LAPTM4B: variants seen among roughly 807,000 people sequenced by gnomAD.
LAPTM4B encodes lysosomal protein transmembrane 4 beta.
Under a neutral mutation model 28.5 loss-of-function variants are expected in LAPTM4B, and 26 were observed. That is an observed-to-expected ratio of 0.91 (90% confidence interval 0.67 to 1.27). LAPTM4B has a LOEUF of 1.27. Among genes scored for constraint, LAPTM4B ranks in the 50% most tolerant of loss-of-function variants. LAPTM4B has a pLI of 0.00. For missense variants in LAPTM4B, 288 were observed against 285.8 expected (o/e 1.01, Z -0.06); for synonymous variants, 109 against 106.4 (o/e 1.02, Z -0.15).
chr8:97,803,430 C>T (rs1338242792), intron 1 of LAPTM4B, among the ~76,000 whole-genome samples: 1 of 151,730 alleles, frequency 6.6e-6, no homozygotes, highest in African/African-American at 2.4e-5. Context: ...AGGCATCCAC[C>T]ACCATGCCCA....
chr8:97,806,139 G>A (rs1816753600), intron 2 of LAPTM4B, among the ~76,000 whole-genome samples: 1 of 152,196 alleles, frequency 6.6e-6, no homozygotes, highest in African/African-American at 2.4e-5. Context: ...AGAGGAGAGA[G>A]TGGCTCAACA....
At chr8:97,816,782 A>G (rs1232318716) in intron 4 of LAPTM4B, among the ~76,000 whole-genome samples, 1 of 152,182 alleles carries the variant, frequency 6.6e-6, no homozygotes, top group Non-Finnish European at 1.5e-5. Flanking sequence ...TCAAAAACAA[A>G]CAAAATAATT....
At chr8:97,819,523 GTAATGGA>G (rs1670061966) in intron 5 of LAPTM4B, among the ~76,000 whole-genome samples, 1 of 152,066 alleles carries the variant, frequency 6.6e-6, no homozygotes, top group African/African-American at 2.4e-5. Context: ...CAAGGTCTGT[GTAATGGA>G]TATTCTTTTG....
intron 5 of LAPTM4B, among the ~76,000 whole-genome samples, chr8:97,820,978 C>T (rs1355264438): frequency 3.3e-5 from 5 of 151,720 alleles, no homozygotes; most frequent in East Asian, 2.0e-4. Flanking sequence ...TTGCCTGCCT[C>T]GGCCTCCCAA....
chr8:97,827,393 T>G (rs1817105884), intron 6 of LAPTM4B, among the ~76,000 whole-genome samples: 1 of 152,234 alleles, frequency 6.6e-6, no homozygotes. Flanking sequence ...TGGAGGTTCC[T>G]TGAGGGTGGT....
chr8:97,823,516 A>G (rs1036960923), intron 5 of LAPTM4B, among the ~76,000 whole-genome samples: 15 of 151,658 alleles, frequency 9.9e-5, no homozygotes, highest in Admixed American at 8.5e-4. Flanking sequence ...CTGGGATTAC[A>G]GGCATGCATC....
intron 1 of LAPTM4B, among the ~76,000 whole-genome samples, chr8:97,794,346 T>C (rs918631809): frequency 3.3e-5 from 5 of 152,166 alleles, no homozygotes; most frequent in Admixed American, 3.3e-4. Flanking sequence ...TTTTGGCCTC[T>C]AGCAGTCCTC....
chr8:97,780,995 ATT>A (rs546330980), intron 1 of LAPTM4B, among the ~76,000 whole-genome samples: 15 of 145,998 alleles, frequency 1.0e-4, no homozygotes, highest in Middle Eastern at 7.1e-3. Flanking sequence ...ATGTACTACA[ATT>A]TTTTTTTTTT....
At chr8:97,816,020 A>G in intron 3 of LAPTM4B, 38 bp from the exon 4 acceptor site, 2 of 1,505,420 alleles carry the variant, frequency 1.3e-6, no homozygotes, top group Middle Eastern at 1.7e-4. Context: ...GTTTTATAAT[A>G]TTGAACACAT....
chr8:97,837,663 C>G (rs182514567), intron 6 of LAPTM4B, among the ~76,000 whole-genome samples: 8 of 152,186 alleles, frequency 5.3e-5, no homozygotes, highest in Admixed American at 5.2e-4. Context: ...CAGTCCTGTA[C>G]GCACCAAATT....
At chr8:97,841,473 G>A (rs949775556) in intron 6 of LAPTM4B, among the ~76,000 whole-genome samples, 2 of 152,092 alleles carry the variant, frequency 1.3e-5, no homozygotes, top group East Asian at 1.9e-4. Flanking sequence ...GATTACAGGC[G>A]CCTGCCATCA....
intron 6 of LAPTM4B, among the ~76,000 whole-genome samples, chr8:97,829,546 G>T (rs28825537): frequency 6.6e-6 from 1 of 151,990 alleles, no homozygotes; most frequent in African/African-American, 2.4e-5. Flanking sequence ...GCAGCAATGG[G>T]GATAGTTGTC....
chr8:97,817,445 C>CT (rs753483537), intron 4 of LAPTM4B, among the ~76,000 whole-genome samples: 37,513 of 88,696 alleles, frequency 0.42, 8,204 homozygotes, highest in Non-Finnish European at 0.58. Context: ...GCCAACTTTA[C>CT]TTTTTTTTTT....
At chr8:97,782,885 C>T (rs1323710899) in intron 1 of LAPTM4B, among the ~76,000 whole-genome samples, 1 of 149,876 alleles carries the variant, frequency 6.7e-6, no homozygotes, top group African/African-American at 2.5e-5. Flanking sequence ...GCATGCACCA[C>T]CATACCTGGC....
chr8:97,828,207 G>T lies in LAPTM4B; in HGVS notation c.603+3054G>T, dbSNP rs141421876. Among the ~76,000 whole-genome samples the T allele has an allele frequency of 3.0e-3, 454 of 152,032 alleles. 3 individuals are homozygous for T. Among genetic ancestry groups the T allele is most frequent in the African/African-American group, 0.01 (431 of 41,512 alleles). ...GAAAATTTATGGTGTAAATTTTGGG[G>T]GTGGTATGGAGGGATGATGGGAGAT... On this transcript the variant is annotated intron_variant, in intron 6 of 6. Transcript: ENST00000521545.
intron 6 of LAPTM4B, among the ~76,000 whole-genome samples, chr8:97,830,811 A>C (rs1817173248): frequency 1.3e-5 from 2 of 152,072 alleles, no homozygotes; most frequent in Non-Finnish European, 2.9e-5. Context: ...TCGGGCTAGG[A>C]TGTCTTTATA....
intron 1 of LAPTM4B, among the ~76,000 whole-genome samples, chr8:97,795,140 C>T (rs1482554528): frequency 1.3e-5 from 2 of 152,204 alleles, no homozygotes; most frequent in Admixed American, 6.5e-5. Flanking sequence ...CACTTTGTCA[C>T]TCAGAGTGCA....
intron 1 of LAPTM4B, among the ~76,000 whole-genome samples, chr8:97,785,528 TAG>T (rs1816386869): frequency 6.6e-6 from 1 of 152,136 alleles, no homozygotes; most frequent in African/African-American, 2.4e-5. Flanking sequence ...TTAATGTAAG[TAG>T]AGAGTTTATT....
chr8:97,845,866 CCA>C, intron 6 of LAPTM4B, among the ~76,000 whole-genome samples: 1 of 28,172 alleles, frequency 3.5e-5, no homozygotes, highest in African/African-American at 1.4e-4. Context: ...CCCCCCCCTT[CCA>C]CTCCCCTCCC....
Sources: gnomAD v4.1 joint callset for allele counts (sites outside exome capture counted in the v4.1 genomes callset) on GRCh38, gnomAD v4.1.1 for gene constraint, MANE v1.5 for transcripts, NCBI Gene and HGNC (gene_info 2026-07-23, HGNC 2026-07-21) for gene names.